Variants in ALPK1 observed in about 807,000 individuals in gnomAD.
ALPK1 encodes the protein alpha kinase 1, also known as alpha-protein kinase 1.
Under a neutral mutation model 120.6 loss-of-function variants are expected in ALPK1, and 110 were observed. The ratio of observed to expected loss-of-function variants is 0.91; its 90% confidence interval spans 0.78 to 1.07. The LOEUF is 1.07. ALPK1 is among the 50% of genes least tolerant of loss of function. The pLI is 0.00. For missense variants in ALPK1, 1,498 were observed against 1,483.9 expected (o/e 1.01, Z -0.16); for synonymous variants, 582 against 560.3 (o/e 1.04, Z -0.55).
chr4:112,359,627 G>A (rs1222969528), intron 2 of ALPK1: 1 of 244,472 alleles, frequency 4.1e-6, no homozygotes, highest in East Asian at 8.9e-5. Context: ...CCCAGAGCAA[G>A]ATCTCATCAT....
rs34591132 is a variant in ALPK1, at chr4:112,424,198, TA to T, written c.535+206del. ...CTCTGTGTCTCTGTTTTCTCTAAGT[TA>T]AAAAAAAAAACAACAAAGACAAGGA... On this transcript the variant is annotated intron_variant, in intron 6 of 15. Transcript: ENST00000650871. Among the ~76,000 whole-genome samples the T allele has an allele frequency of 1.7e-3, 249 of 148,474 alleles. 1 individual carries two copies. The highest frequency in any genetic ancestry group is 5.4e-3 in the African/African-American group (218 of 40,608).
chr4:112,308,775 G>T (rs1728248349), intron 1 of ALPK1, among the ~76,000 whole-genome samples: 1 of 152,078 alleles, frequency 6.6e-6, no homozygotes, highest in South Asian at 2.1e-4. Context: ...ATCCAGCTTT[G>T]TTCTGTTGCT....
At chr4:112,424,709 A>G (rs1734156484) in intron 6 of ALPK1, among the ~76,000 whole-genome samples, 2 of 152,156 alleles carry the variant, frequency 1.3e-5, no homozygotes, top group Non-Finnish European at 1.5e-5. Context: ...TATTAACCAC[A>G]CACCCCTCAC....
intron 5 of ALPK1, chr4:112,414,469 G>A (rs953736525): frequency 1.5e-5 from 5 of 343,898 alleles, no homozygotes; most frequent in African/African-American, 4.3e-5. Flanking sequence ...TTAGCCAGGC[G>A]TGGTGGCAGC....
chr4:112,343,384 T>C (rs1553937838), intron 2 of ALPK1: 1 of 152,216 alleles, frequency 6.6e-6, no homozygotes, highest in East Asian at 1.9e-4. Context: ...TGGGGAAAGA[T>C]CTCTGTGTCG....
At chr4:112,411,521 G>A (rs919445975) in intron 4 of ALPK1, among the ~76,000 whole-genome samples, 7 of 152,124 alleles carry the variant, frequency 4.6e-5, no homozygotes, top group East Asian at 1.9e-4. Context: ...CACCATGCCC[G>A]GCCCTACTTT....
At position 112,375,182 on chromosome 4, in the gene ALPK1, T is replaced by C. The variant is rs1352327140; in HGVS notation, c.-100-2496T>C. Among the ~76,000 whole-genome samples the C allele has an allele frequency of 1.8e-4, 8 of 44,686 alleles. No homozygotes were observed. In the African/African-American group the frequency reaches 2.8e-3, roughly 16 times the overall value. The allele number at this position is 44,686 out of a possible 152,430, so 29.3% of individuals were successfully genotyped here. On this transcript the variant is annotated intron_variant, in intron 2 of 15. Transcript: ENST00000650871. ...CCACCTTTGTCAGTGATGTTTTTCT[T>C]TTTTTTTTTTTTTTTTGAGACAGAG...
At chr4:112,418,292 A>G (rs1733832612) in intron 5 of ALPK1, among the ~76,000 whole-genome samples, 3 of 152,318 alleles carry the variant, frequency 2.0e-5, no homozygotes, top group Non-Finnish European at 4.4e-5. Flanking sequence ...GAAGCCATCC[A>G]CGGGGAGGCG....
At chr4:112,364,135 G>C (rs1203031698) in intron 2 of ALPK1, among the ~76,000 whole-genome samples, 1 of 151,872 alleles carries the variant, frequency 6.6e-6, no homozygotes, top group African/African-American at 2.4e-5. Flanking sequence ...GGCAATCTAA[G>C]GTCACGCCTC....
At position 112,431,109 on chromosome 4, in the gene ALPK1, C is replaced by G; in HGVS notation, c.1562C>G (p.Ser521Cys). The G allele has an allele frequency of 1.2e-6, 2 of 1,614,176 alleles. No individual in the cohort carries two copies. Among genetic ancestry groups the G allele is most frequent in the Non-Finnish European group, 1.7e-6 (2 of 1,180,052 alleles). Residue 521 changes from serine to cysteine, a missense_variant, in exon 11 of 16, where the codon TCC becomes TGC. Ser to Cys is a moderately radical substitution (Grantham distance 112). Coordinates refer to ENST00000650871, the MANE Select transcript of ALPK1 (RefSeq NM_025144.4). Reference protein sequence around the residue: ...HCQRDTGISSSLMGKNVQREL... With the variant: ...HCQRDTGISSCLMGKNVQREL... Reference sequence around the variant, plus strand: ...CAAAGAGACACAGGAATATCTTCCTCCCTAATGGGTAAGAATGTTCAGAGG... The same window carrying G: ...CAAAGAGACACAGGAATATCTTCCTGCCTAATGGGTAAGAATGTTCAGAGG...
At chr4:112,415,074 C>T (rs1477741170) in intron 5 of ALPK1, 1 of 152,194 alleles carries the variant, frequency 6.6e-6, no homozygotes, top group East Asian at 1.9e-4. Flanking sequence ...TTGCTCTCCG[C>T]CCAAGCTCTG....
intron 2 of ALPK1, among the ~76,000 whole-genome samples, chr4:112,368,971 A>T (rs1031764079): frequency 5.3e-5 from 8 of 152,230 alleles, no homozygotes; most frequent in Non-Finnish European, 1.0e-4. Flanking sequence ...TGGCAAATAC[A>T]ATCAAGGCAA....
chr4:112,332,731 T>C (rs1729440617), intron 2 of ALPK1, among the ~76,000 whole-genome samples: 2 of 152,194 alleles, frequency 1.3e-5, no homozygotes, highest in Admixed American at 6.5e-5. Flanking sequence ...CTGAGATAGA[T>C]TTTGTCAAAT....
rs753593541 is a variant in ALPK1, at chr4:112,429,212, G to A, written c.859G>A (p.Ala287Thr). Residue 287 changes from alanine to threonine, a missense_variant, in exon 10 of 16, where the codon GCC becomes ACC. By Grantham distance (58) the Ala-to-Thr change is moderately conservative. Transcript: ENST00000650871. ...SAAEACKLAAAFSAYTPLFVL... is the reference protein window; with the variant it reads ...SAAEACKLAATFSAYTPLFVL... The stretch of plus-strand genomic sequence containing the variant: ...TGCAGAAGCCTGCAAGCTGGCAGCT[G>A]CCTTCAGTGCCTATACGCCGCTCTT... 9 of 1,613,024 alleles carry A rather than the reference G, an allele frequency of 5.6e-6. No homozygotes were observed. In the South Asian group the frequency reaches 8.8e-5, roughly 16 times the overall value.
intron 2 of ALPK1, among the ~76,000 whole-genome samples, chr4:112,373,628 G>A (rs923662763): frequency 9.9e-5 from 15 of 152,092 alleles, no homozygotes; most frequent in East Asian, 1.9e-4. Context: ...GCAGTGGTGC[G>A]TACCTGTAAT....
chr4:112,363,175 A>T (rs1730991308), intron 2 of ALPK1, among the ~76,000 whole-genome samples: 1 of 152,242 alleles, frequency 6.6e-6, no homozygotes. Flanking sequence ...ACCGTAACAT[A>T]ATGGAAAAAC....
chr4:112,368,209 A>G (rs1731242937), intron 2 of ALPK1, among the ~76,000 whole-genome samples: 1 of 152,182 alleles, frequency 6.6e-6, no homozygotes, highest in African/African-American at 2.4e-5. Flanking sequence ...TGAGCCACTG[A>G]TCCCCACCTA....
chr4:112,384,081 G>C (rs918425809), intron 4 of ALPK1: 1 of 152,204 alleles, frequency 6.6e-6, no homozygotes, highest in Non-Finnish European at 1.5e-5. Flanking sequence ...CAATTGTTAA[G>C]TTGGGGTTCT....
At chr4:112,405,431 C>T (rs111869035) in intron 4 of ALPK1, among the ~76,000 whole-genome samples, 1,951 of 152,182 alleles carry the variant, frequency 0.013, 18 homozygotes, top group Non-Finnish European at 0.021. Context: ...ATAACAAGAT[C>T]ACTCTTTTTA....
Sources: allele counts gnomAD v4.1 joint callset (sites outside exome capture counted in the v4.1 genomes callset), GRCh38; gene constraint gnomAD v4.1.1; transcripts MANE v1.5; gene names NCBI Gene and HGNC (gene_info 2026-07-23, HGNC 2026-07-21).